Variants in LRBA observed in about 807,000 individuals in gnomAD.
The protein encoded by LRBA is lipopolysaccharide-responsive and beige-like anchor protein.
In LRBA, 176 loss-of-function variants were observed where a neutral mutation model predicts 330.0. The observed-to-expected ratio is 0.53, with a 90% CI of 0.47 to 0.60. The LOEUF (loss-of-function observed/expected upper bound fraction) is 0.60. Ranked by LOEUF, LRBA falls within the 20% of genes least tolerant of loss-of-function variation. LRBA has a pLI of 0.00. For synonymous variants in LRBA, 1,230 were observed against 1,193.0 expected, an observed-to-expected ratio of 1.03 and a Z score of -0.64; for missense variants, 3,259 against 3,444.8, an observed-to-expected ratio of 0.95 and a Z score of 1.35.
intron 46 of LRBA, among the ~76,000 whole-genome samples, chr4:150,425,887 C>T (rs533104988): frequency 6.6e-6 from 1 of 151,962 alleles, no homozygotes; most frequent in East Asian, 1.9e-4. Flanking sequence ...ATTTAAGGTG[C>T]ACTGCTTAGG....
chr4:150,801,953 T>G (rs1741670821), intron 33 of LRBA, among the ~76,000 whole-genome samples: 1 of 151,678 alleles, frequency 6.6e-6, no homozygotes, highest in Non-Finnish European at 1.5e-5. Context: ...GGTGGATCAC[T>G]TGAGGCCAGA....
intron 11 of LRBA, among the ~76,000 whole-genome samples, chr4:150,906,954 A>C (rs562081884): frequency 1.3e-5 from 2 of 151,946 alleles, no homozygotes; most frequent in African/African-American, 4.8e-5. Flanking sequence ...TTGAACACTA[A>C]TTTAAGAAGT....
chr4:150,641,071 T>A (rs1350425670), intron 37 of LRBA, among the ~76,000 whole-genome samples: 3 of 152,120 alleles, frequency 2.0e-5, no homozygotes, highest in Non-Finnish European at 4.4e-5. Context: ...CCTGTCCCCA[T>A]CTTTTGTCCG....
intron 37 of LRBA, among the ~76,000 whole-genome samples, chr4:150,627,206 CT>C (rs1776942991): frequency 6.6e-6 from 1 of 151,922 alleles, no homozygotes; most frequent in Admixed American, 6.6e-5. Flanking sequence ...GAGAGCCTGA[CT>C]GTGTGCTGAA....
At chr4:150,706,384 G>C (rs1785622371) in intron 36 of LRBA, among the ~76,000 whole-genome samples, 1 of 151,750 alleles carries the variant, frequency 6.6e-6, no homozygotes, top group Non-Finnish European at 1.5e-5. Context: ...AGGTGGCATA[G>C]GGAAAACTAG....
In LRBA at chr4:150,922,166, C is replaced by T. The variant is rs188534518; in HGVS notation, c.550-873G>A. 4.0e-3 allele frequency among the ~76,000 whole-genome samples: 616 copies of T among 152,114 alleles called. 26 individuals carry two copies. The highest frequency in any genetic ancestry group is 0.038 in the Admixed American group (584 of 15,276). ...ATGAGCCACCACACCTGGCCAAAAA[C>T]GATCTTTTAAAAATATAAACTACAT... On this transcript the variant is annotated intron_variant, in intron 4 of 56. Transcript: ENST00000651943.
chr4:150,786,949 C>T (rs1364918345), intron 34 of LRBA, among the ~76,000 whole-genome samples: 1 of 152,066 alleles, frequency 6.6e-6, no homozygotes, highest in African/African-American at 2.4e-5. Flanking sequence ...TACTCAGATT[C>T]GGCCAGGTGT....
chr4:150,778,748 A>G (rs1325779249), intron 34 of LRBA, among the ~76,000 whole-genome samples: 1 of 152,184 alleles, frequency 6.6e-6, no homozygotes, highest in African/African-American at 2.4e-5. Flanking sequence ...TAGGAGCCAT[A>G]TAAATGTGTC....
At chr4:150,587,586 CAG>C (rs1219155238) in intron 40 of LRBA, among the ~76,000 whole-genome samples, 8 of 152,086 alleles carry the variant, frequency 5.3e-5, no homozygotes, top group Admixed American at 3.9e-4. Context: ...TAATGGGAAA[CAG>C]AGGTATCTCA....
chr4:150,571,651 T>TG (rs1769861536), intron 40 of LRBA, among the ~76,000 whole-genome samples: 1 of 112,766 alleles, frequency 8.9e-6, no homozygotes, highest in Non-Finnish European at 1.7e-5. Context: ...GGTTAGTTGT[T>TG]TTTTTTTTTT....
chr4:150,661,438 C>T (rs1781087064), intron 37 of LRBA, among the ~76,000 whole-genome samples: 1 of 147,974 alleles, frequency 6.8e-6, no homozygotes, highest in Non-Finnish European at 1.5e-5. Context: ...CCACTGCCCT[C>T]CAGCCTGGGC....
At chr4:150,697,537 T>TA (rs1174066945) in intron 36 of LRBA, among the ~76,000 whole-genome samples, 1 of 151,984 alleles carries the variant, frequency 6.6e-6, no homozygotes, top group Non-Finnish European at 1.5e-5. Context: ...CTTCTCTTTT[T>TA]AAATATCCTG....
At chr4:150,484,982 G>C (rs1373269121) in intron 42 of LRBA, among the ~76,000 whole-genome samples, 1 of 151,880 alleles carries the variant, frequency 6.6e-6, no homozygotes, top group African/African-American at 2.4e-5. Context: ...TTTCTGGTTT[G>C]TAATTAACCA....
chr4:150,769,556 A>C (rs1736272038), intron 34 of LRBA, among the ~76,000 whole-genome samples: 1 of 152,172 alleles, frequency 6.6e-6, no homozygotes, highest in South Asian at 2.1e-4. Context: ...AGGCAGAAGA[A>C]ATTCTCTCTA....
intron 2 of LRBA, among the ~76,000 whole-genome samples, chr4:150,936,998 C>T (rs1459518701): frequency 6.6e-6 from 1 of 151,926 alleles, no homozygotes; most frequent in Non-Finnish European, 1.5e-5. Context: ...TATAAGTAAC[C>T]ACCCTTTCAA....
chr4:150,322,365 T>TCATACAGTAA (rs1410203142), intron 49 of LRBA, among the ~76,000 whole-genome samples: 1 of 152,220 alleles, frequency 6.6e-6, no homozygotes, highest in Non-Finnish European at 1.5e-5. Context: ...TGGTGTGCTA[T>TCATACAGTAA]CATACAGTAA....
At chr4:150,294,678 G>A (rs545002160) in intron 53 of LRBA, among the ~76,000 whole-genome samples, 18 of 152,298 alleles carry the variant, frequency 1.2e-4, no homozygotes, top group East Asian at 9.7e-4. Flanking sequence ...CAGGCCAGGC[G>A]CAGTGGCTCA....
At chr4:150,431,309 T>C (rs1406208496) in intron 46 of LRBA, among the ~76,000 whole-genome samples, 2 of 152,210 alleles carry the variant, frequency 1.3e-5, no homozygotes, top group East Asian at 1.9e-4. Flanking sequence ...TTGCTACTAA[T>C]TGTCTGTTTA....
chr4:150,360,277 G>A (rs1293248676), intron 47 of LRBA, among the ~76,000 whole-genome samples: 2 of 147,456 alleles, frequency 1.4e-5, no homozygotes, highest in African/African-American at 2.5e-5. Context: ...ACAGGCTTAA[G>A]TCACCATGCC....
Sources: allele counts gnomAD v4.1 joint callset (sites outside exome capture counted in the v4.1 genomes callset), GRCh38; gene constraint gnomAD v4.1.1; transcripts MANE v1.5; gene names NCBI Gene and HGNC (gene_info 2026-07-23, HGNC 2026-07-21).